Variants in ARAP2 observed in about 807,000 individuals in gnomAD.
The protein encoded by ARAP2 is arf-GAP with Rho-GAP domain, ANK repeat and PH domain-containing protein 2.
A neutral mutation model predicts 194.5 loss-of-function variants in ARAP2; 148 were observed. The ratio of observed to expected loss-of-function variants is 0.76; its 90% CI spans 0.67 to 0.87. The LOEUF is 0.87. Ranked by LOEUF, ARAP2 falls within the 40% of genes least tolerant of loss-of-function variation. The probability of loss-of-function intolerance (pLI) is 0.00; values close to 1 mark genes in which losing one functional copy is unlikely to be tolerated. For synonymous variants in ARAP2, 695 were observed against 683.5 expected (o/e 1.02, Z -0.26); for missense variants, 2,128 against 1,989.7 (o/e 1.07, Z -1.32).
intron 3 of ARAP2, among the ~76,000 whole-genome samples, chr4:36,048,449 AGT>A (rs1362807634): frequency 6.6e-6 from 1 of 152,254 alleles, no homozygotes; most frequent in East Asian, 1.9e-4. Context: ...CCCACTTATA[AGT>A]GAGAACATGT....
rs569151820 is a variant in ARAP2, at chr4:36,034,504, A to G, written n.607+11475T>C. ...TTGTATATTGATTTTGTACCCTGAAACTTTACTGAAGTTGTTTATCAGATC... is the reference window on the plus strand; with the variant it reads ...TTGTATATTGATTTTGTACCCTGAAGCTTTACTGAAGTTGTTTATCAGATC... On this transcript the variant is annotated intron_variant and non_coding_transcript_variant, in intron 5 of 12. Coordinates refer to the ARAP2 transcript ENST00000503225. Among the ~76,000 whole-genome samples the G allele has an allele frequency of 1.6e-3, 246 of 152,278 alleles. 2 individuals carry two copies. Among genetic ancestry groups the G allele is most frequent in the African/African-American group, 5.5e-3 (228 of 41,558 alleles).
intron 9 of ARAP2, among the ~76,000 whole-genome samples, chr4:36,012,077 T>A (rs946333296): frequency 6.6e-6 from 1 of 152,154 alleles, no homozygotes; most frequent in Non-Finnish European, 1.5e-5. Context: ...TTAAATAATT[T>A]CCAATGAACT....
chr4:36,201,121 G>A (rs1744276895), intron 6 of ARAP2, among the ~76,000 whole-genome samples: 3 of 152,164 alleles, frequency 2.0e-5, no homozygotes, highest in African/African-American at 7.2e-5. Context: ...GAACTGTGTA[G>A]AGCCACACAC....
At chr4:36,096,816 A>C (rs577437427) in intron 27 of ARAP2, among the ~76,000 whole-genome samples, 13 of 152,288 alleles carry the variant, frequency 8.5e-5, no homozygotes, top group African/African-American at 3.1e-4. Flanking sequence ...TTTATAGCTA[A>C]GAAGTAGAGT....
intron 8 of ARAP2, among the ~76,000 whole-genome samples, chr4:36,184,965 CA>C (rs1027236526): frequency 2.6e-5 from 4 of 152,162 alleles, no homozygotes; most frequent in African/African-American, 9.7e-5. Flanking sequence ...CAATAATTCA[CA>C]AAAAGTGGCT....
At chr4:36,097,640 G>T (rs985290898) in intron 27 of ARAP2, among the ~76,000 whole-genome samples, 2 of 152,058 alleles carry the variant, frequency 1.3e-5, no homozygotes, top group African/African-American at 2.4e-5. Flanking sequence ...TTGTTTTCGT[G>T]TGAGTATAAC....
intron 19 of ARAP2, among the ~76,000 whole-genome samples, chr4:36,143,718 A>G (rs528421164): frequency 1.3e-5 from 2 of 151,936 alleles, no homozygotes; most frequent in East Asian, 3.9e-4. Context: ...TACATTAGCT[A>G]TACGAAGAGA....
intron 8 of ARAP2, among the ~76,000 whole-genome samples, chr4:36,185,646 T>C (rs1740359067): frequency 1.3e-5 from 2 of 152,060 alleles, no homozygotes; most frequent in Non-Finnish European, 2.9e-5. Flanking sequence ...ACTGTAGTCA[T>C]TTCCAACTGG....
intron 19 of ARAP2, among the ~76,000 whole-genome samples, chr4:36,135,854 G>A (rs548106778): frequency 3.8e-4 from 57 of 151,726 alleles, no homozygotes; most frequent in South Asian, 3.7e-3. Flanking sequence ...CAACTACAAC[G>A]GGTGTTTTAG....
intron 2 of ARAP2, among the ~76,000 whole-genome samples, chr4:36,215,002 T>C (rs973024511): frequency 1.3e-5 from 2 of 152,210 alleles, no homozygotes; most frequent in African/African-American, 2.4e-5. Context: ...GGAAGGAAGA[T>C]ATTACAGGGC....
chr4:36,227,561 C>T (rs558290279), intron 2 of ARAP2, among the ~76,000 whole-genome samples: 2 of 152,190 alleles, frequency 1.3e-5, no homozygotes, highest in African/African-American at 4.8e-5. Context: ...CTGCAATTAC[C>T]AAAGGTACCT....
chr4:36,144,898 C>T (rs1452649487), intron 19 of ARAP2, among the ~76,000 whole-genome samples: 1 of 151,924 alleles, frequency 6.6e-6, no homozygotes, highest in African/African-American at 2.4e-5. Flanking sequence ...TGAATACCTT[C>T]ATGATGATCT....
At position 36,021,301 on chromosome 4, in the gene ARAP2, A is replaced by G. The variant is rs769039983; in HGVS notation, n.608-2015T>C. Among the ~76,000 whole-genome samples, 3 of 152,216 alleles carry G rather than the reference A, an allele frequency of 2.0e-5. No homozygotes were observed. The South Asian group carries it at 6.2e-4, about 32-fold the overall frequency. ...AAATAAAGCATAATTTTTTAAAAAA[A>G]TCATAGGATATAATATGATTTGGAT... On this transcript the variant is annotated intron_variant and non_coding_transcript_variant, in intron 5 of 12. Coordinates refer to the ARAP2 transcript ENST00000503225.
chr4:36,121,221 A>T lies in ARAP2; in HGVS notation c.3852T>A (p.Asn1284Lys), dbSNP rs772361207. 9.3e-6 allele frequency: 15 copies of T among 1,605,678 alleles called. No individual in the cohort carries two copies. Among genetic ancestry groups the T allele is most frequent in the Non-Finnish European group, 1.2e-5 (14 of 1,175,456 alleles). The change falls in exon 23 of 33, where the codon AAT (asparagine) becomes AAA (lysine). Residue 1284 changes from asparagine to lysine, a missense_variant. By Grantham distance (94) the Asn-to-Lys change is moderately conservative. Transcript: ENST00000303965. ...QTKGQTSEEVNVIEDLINNYV... is the reference protein window; with the variant it reads ...QTKGQTSEEVKVIEDLINNYV... ...AATTATTAATTAGGTCCTCAATTAC[A>T]TTCACTTCTTCACTAGTTTGTCCCT...
intron 27 of ARAP2, among the ~76,000 whole-genome samples, chr4:36,098,419 C>T (rs1426716276): frequency 6.6e-6 from 1 of 151,972 alleles, no homozygotes; most frequent in Non-Finnish European, 1.5e-5. Flanking sequence ...CTCCAACATA[C>T]AACTGCAGAT....
intron 7 of ARAP2, among the ~76,000 whole-genome samples, chr4:36,192,808 C>A (rs1201861311): frequency 6.6e-6 from 1 of 152,144 alleles, no homozygotes; most frequent in Non-Finnish European, 1.5e-5. Flanking sequence ...ACCAGCCTGG[C>A]CAACATGGTG....
chr4:36,051,487 A>T (rs912704093), intron 3 of ARAP2, among the ~76,000 whole-genome samples: 1 of 152,002 alleles, frequency 6.6e-6, no homozygotes, highest in African/African-American at 2.4e-5. Flanking sequence ...AAAAATAAAT[A>T]AATTAATAAA....
At chr4:36,054,134 C>A (rs887767502) in intron 2 of ARAP2, among the ~76,000 whole-genome samples, 1 of 152,148 alleles carries the variant, frequency 6.6e-6, no homozygotes, top group Non-Finnish European at 1.5e-5. Flanking sequence ...CACTAAAATG[C>A]GCCACTATAA....
chr4:36,029,480 G>A (rs1718553182), intron 5 of ARAP2, among the ~76,000 whole-genome samples: 1 of 151,744 alleles, frequency 6.6e-6, no homozygotes, highest in African/African-American at 2.4e-5. Context: ...CCACCCCCGT[G>A]GTTTCAGTCT....
Sources: allele counts gnomAD v4.1 joint callset (sites outside exome capture counted in the v4.1 genomes callset), GRCh38; gene constraint gnomAD v4.1.1; transcripts MANE v1.5; gene names NCBI Gene and HGNC (gene_info 2026-07-23, HGNC 2026-07-21).